The following RIN2 variants were observed in gnomAD, a reference collection of about 807,000 sequenced individuals.
RIN2 encodes Ras and Rab interactor 2.
RIN2 carries 36 observed loss-of-function variants against 78.0 expected under a neutral mutation model. The observed-to-expected ratio is 0.46, with a 90% CI of 0.35 to 0.61. RIN2 has a LOEUF of 0.61. Among genes scored for constraint, RIN2 ranks in the 20% least tolerant of loss-of-function variants. The pLI, the probability that RIN2 is intolerant of heterozygous loss-of-function variation, is 0.00. For missense variants in RIN2, 1,087 were observed against 1,159.7 expected (o/e 0.94, Z 0.91); for synonymous variants, 466 against 466.8 (o/e 1.00, Z 0.02).
rs2038609027 is a variant in RIN2, at chr20:19,894,084, AAAC to A, written c.57+4435_57+4437del. ...AAGACTGTGTCTCAAAAAACAACAA[AAAC>A]AACAACAAAACACGTGGTGGGGAGA... On this transcript the variant is annotated intron_variant, in intron 3 of 12. Coordinates refer to ENST00000255006, the MANE Select transcript of RIN2 (RefSeq NM_018993.4). Among the ~76,000 whole-genome samples, 5 of 152,146 alleles carry A rather than the reference AAAC, an allele frequency of 3.3e-5. No individual in the cohort carries two copies. The South Asian group carries it at 8.3e-4, about 25-fold the overall frequency.
intron 3 of RIN2, among the ~76,000 whole-genome samples, chr20:19,934,134 T>A (rs1293630495): frequency 6.6e-6 from 1 of 152,150 alleles, no homozygotes; most frequent in Non-Finnish European, 1.5e-5. Flanking sequence ...TTATTGAGGA[T>A]CCCAAAGAAC....
At chr20:19,840,657 G>A (rs555944184) in intron 2 of RIN2, among the ~76,000 whole-genome samples, 16 of 152,206 alleles carry the variant, frequency 1.1e-4, no homozygotes, top group Non-Finnish European at 2.2e-4. Context: ...GTTCAGTCAC[G>A]CCTTGAAGTG....
chr20:19,790,871 T>C (rs966728734), intron 1 of RIN2, among the ~76,000 whole-genome samples: 5 of 152,204 alleles, frequency 3.3e-5, no homozygotes, highest in African/African-American at 1.2e-4. Context: ...CATTGTAAAA[T>C]GGAAACCCTT....
At chr20:19,947,002 G>A (rs546675728) in intron 4 of RIN2, among the ~76,000 whole-genome samples, 53 of 147,604 alleles carry the variant, frequency 3.6e-4, no homozygotes, top group Admixed American at 1.2e-3. Flanking sequence ...CTGCACTCCA[G>A]CCTGGGTGTC....
chr20:19,844,593 G>GCTGCTGCTGCTGCTTCTT (rs1568806843), intron 2 of RIN2, among the ~76,000 whole-genome samples: 1 of 64,066 alleles, frequency 1.6e-5, no homozygotes, highest in African/African-American at 5.1e-5. Flanking sequence ...TGCTGCTGCT[G>GCTGCTGCTGCTGCTTCTT]CTTCTTCCTC....
chr20:19,907,259 T>A (rs2039260282), intron 3 of RIN2, among the ~76,000 whole-genome samples: 1 of 152,180 alleles, frequency 6.6e-6, no homozygotes, highest in African/African-American at 2.4e-5. Flanking sequence ...TTGACCTATT[T>A]ACCTCCTAAA....
At chr20:19,767,696 G>A (rs1345310300) in intron 1 of RIN2, among the ~76,000 whole-genome samples, 4 of 152,032 alleles carry the variant, frequency 2.6e-5, no homozygotes, top group African/African-American at 7.2e-5. Context: ...GGGCTAAGGC[G>A]GGTGGATCAC....
At chr20:19,913,499 A>G (rs1158168181) in intron 3 of RIN2, among the ~76,000 whole-genome samples, 1 of 152,204 alleles carries the variant, frequency 6.6e-6, no homozygotes, top group African/African-American at 2.4e-5. Flanking sequence ...GTACATTCAT[A>G]TTGTTGTGCA....
At chr20:19,863,745 A>T (rs1229887041) in intron 2 of RIN2, among the ~76,000 whole-genome samples, 1 of 152,346 alleles carries the variant, frequency 6.6e-6, no homozygotes, top group African/African-American at 2.4e-5. Context: ...GACAGTATGT[A>T]AAGTGCTTAG....
intron 1 of RIN2, among the ~76,000 whole-genome samples, chr20:19,796,090 AAAAAG>A (rs201421499): frequency 7.1e-5 from 8 of 111,976 alleles, no homozygotes; most frequent in South Asian, 5.2e-4. Flanking sequence ...AGCAAAGAAA[AAAAAG>A]AAAAGAAAAG....
At chr20:19,860,747 G>A (rs751999875) in intron 2 of RIN2, among the ~76,000 whole-genome samples, 1 of 152,168 alleles carries the variant, frequency 6.6e-6, no homozygotes, top group African/African-American at 2.4e-5. Context: ...TTTTAGCACT[G>A]ATAAGCTTGT....
intron 2 of RIN2, among the ~76,000 whole-genome samples, chr20:19,802,859 C>G (rs1293452389): frequency 6.6e-6 from 1 of 152,146 alleles, no homozygotes; most frequent in Non-Finnish European, 1.5e-5. Flanking sequence ...CCCTGCTGGA[C>G]CCTGTTGGAA....
rs552488854 is a variant in RIN2, at chr20:19,837,700, T to C, written c.-37+37953T>C. Among the ~76,000 whole-genome samples the C allele has an allele frequency of 8.7e-4, 132 of 152,248 alleles. 6 individuals carry two copies. In the South Asian group the frequency reaches 0.027, roughly 31 times the overall value. ...ATGCTGATATACAGATAACTATTTT[T>C]AATATAATTAAATTTGTCAACCTTT... On this transcript the variant is annotated intron_variant, in intron 2 of 12. Transcript: ENST00000255006.
intron 1 of RIN2, among the ~76,000 whole-genome samples, chr20:19,772,516 T>A (rs1301224828): frequency 6.6e-6 from 1 of 152,042 alleles, no homozygotes; most frequent in African/African-American, 2.4e-5. Context: ...GACTGAACAG[T>A]TTGGGTGCCA....
At chr20:19,953,378 C>T (rs1006216837) in intron 4 of RIN2, among the ~76,000 whole-genome samples, 3 of 151,796 alleles carry the variant, frequency 2.0e-5, no homozygotes, top group African/African-American at 4.8e-5. Context: ...GTGATCCAAC[C>T]GCCTCAGCAT....
In RIN2 at chr20:19,902,002, C is replaced by T. The variant is rs371711247; in HGVS notation, c.57+12344C>T. On this transcript the variant is annotated intron_variant, in intron 3 of 12. Transcript: ENST00000255006. ...CTGCACTTCAGCCTGGGCGACAGAA[C>T]GAGACTCTGTCTCAAAAAAAAAAAA... is the stretch of plus-strand genomic sequence containing the variant. Among the ~76,000 whole-genome samples the T allele has an allele frequency of 1.9e-3, 206 of 111,170 alleles. 3 individuals carry two copies. In the East Asian group the frequency reaches 0.028, roughly 15 times the overall value. The allele number at this position is 111,170 out of a possible 152,430, so 72.9% of individuals were successfully genotyped here. A position where few individuals can be genotyped will look rare whatever the true frequency, so the allele number is the denominator to read the frequency against.
intron 1 of RIN2, among the ~76,000 whole-genome samples, chr20:19,787,422 TAAAAAAAAA>T (rs541323014): frequency 5.8e-5 from 5 of 85,878 alleles, no homozygotes; most frequent in Admixed American, 1.4e-4. Flanking sequence ...GACTCCATCT[TAAAAAAAAA>T]AAAAAAAAAA....
intron 3 of RIN2, among the ~76,000 whole-genome samples, chr20:19,918,138 C>T (rs1054446965): frequency 6.6e-5 from 10 of 152,012 alleles, no homozygotes; most frequent in African/African-American, 2.2e-4. Flanking sequence ...CAGTGCATTC[C>T]GGAAAGGCAA....
rs376810955 is a variant in RIN2, at chr20:19,826,681, T to A, written c.-37+26934T>A. ...AGTCATCTATTAGCTTAACCTCTGT[T>A]CAATCCTTATCCTGGTTTAACTTCT... On this transcript the variant is annotated intron_variant, in intron 2 of 12. Coordinates refer to ENST00000255006, the MANE Select transcript of RIN2 (RefSeq NM_018993.4). 4.6e-5 allele frequency among the ~76,000 whole-genome samples: 7 copies of A among 152,340 alleles called. 1 individual carries two copies. The highest frequency in any genetic ancestry group is 1.7e-4 in the African/African-American group (7 of 41,582).
Sources: allele counts gnomAD v4.1 joint callset (sites outside exome capture counted in the v4.1 genomes callset), GRCh38; gene constraint gnomAD v4.1.1; transcripts MANE v1.5; gene names NCBI Gene and HGNC (gene_info 2026-07-23, HGNC 2026-07-21).